The following MEGF10 variants were observed in gnomAD, a reference collection of about 807,000 sequenced individuals.
MEGF10 encodes multiple EGF like domains 10.
Under a neutral mutation model 147.5 loss-of-function variants are expected in MEGF10, and 86 were observed. The observed-to-expected ratio is 0.58, with a 90% CI of 0.49 to 0.70. The LOEUF is 0.70. MEGF10 is among the 30% of genes least tolerant of loss of function. The pLI is 0.00. For synonymous variants in MEGF10, 478 were observed against 525.5 expected (o/e 0.91, Z 1.24); for missense variants, 1,329 against 1,487.3 (o/e 0.89, Z 1.75).
At chr5:127,299,213 C>T (rs1759657723) in intron 1 of MEGF10, among the ~76,000 whole-genome samples, 1 of 152,206 alleles carries the variant, frequency 6.6e-6, no homozygotes, top group Non-Finnish European at 1.5e-5. Context: ...GGTACCTGAT[C>T]TGAAAGCCTG....
chr5:127,253,532 A>G, the MEGF10 span, among the ~76,000 whole-genome samples: 3 of 152,056 alleles, frequency 2.0e-5, no homozygotes, highest in Non-Finnish European at 1.5e-5. Flanking sequence ...AGTTATTTAT[A>G]CATTTATATG....
intron 1 of MEGF10, among the ~76,000 whole-genome samples, chr5:127,296,777 A>G (rs541977619): frequency 7.9e-5 from 12 of 152,350 alleles, no homozygotes; most frequent in African/African-American, 2.9e-4. Flanking sequence ...GAACTATGAA[A>G]TTTTTGCTTG....
At chr5:127,309,973 C>CT (rs2126733444) in intron 1 of MEGF10, among the ~76,000 whole-genome samples, 1 of 69,090 alleles carries the variant, frequency 1.4e-5, no homozygotes, top group East Asian at 2.5e-4. Context: ...TTCTTTCTTT[C>CT]TTTCTTTCTT....
intron 4 of MEGF10, among the ~76,000 whole-genome samples, chr5:127,363,096 A>G (rs1469295650): frequency 6.6e-6 from 1 of 152,186 alleles, no homozygotes; most frequent in Non-Finnish European, 1.5e-5. Flanking sequence ...CACTTGCACT[A>G]GGTCGTGACA....
intron 1 of MEGF10, among the ~76,000 whole-genome samples, chr5:127,311,671 TTGA>T (rs763143889): frequency 3.9e-5 from 6 of 152,196 alleles, no homozygotes; most frequent in Non-Finnish European, 8.8e-5. Flanking sequence ...TTTTAAGAAG[TTGA>T]ATGATGACAT....
chr5:127,396,336 A>G (rs913506808), intron 5 of MEGF10, among the ~76,000 whole-genome samples, 196 bp from the exon 6 acceptor site: 4 of 152,178 alleles, frequency 2.6e-5, no homozygotes, highest in Non-Finnish European at 5.9e-5. Flanking sequence ...GTGATAATTA[A>G]GCAATGGAGT....
chr5:127,416,143 T>C (rs2126964114), intron 9 of MEGF10, among the ~76,000 whole-genome samples: 1 of 152,076 alleles, frequency 6.6e-6, no homozygotes, highest in South Asian at 2.1e-4. Context: ...TTCTCCTGCC[T>C]CAGCCTCCTG....
At position 127,458,715 on chromosome 5, in the gene MEGF10, T is replaced by C. The variant is rs1766456189; in HGVS notation, c.*1397T>C. 6.6e-6 allele frequency: 1 copy of C among 152,162 alleles called. No homozygotes were observed. Among genetic ancestry groups the C allele is most frequent in the Non-Finnish European group, 1.5e-5 (1 of 68,030 alleles). The allele number at this position is 152,162 out of a possible 1,614,324, so 9.4% of individuals were successfully genotyped here. On this transcript the variant is annotated 3_prime_UTR_variant, in exon 25 of 25. Coordinates refer to ENST00000503335, the MANE Select transcript of MEGF10 (RefSeq NM_001256545.2). ...TTAATATTCCAAAATAGAGTTCCTT[T>C]TGATCTGTTGGTGCTGAGCCTTGGT...
intron 8 of MEGF10, among the ~76,000 whole-genome samples, chr5:127,404,229 C>G (rs1251239778): frequency 2.0e-5 from 3 of 151,774 alleles, no homozygotes. Context: ...GTGTTGAGCA[C>G]CTTTTCATAT....
the MEGF10 span, among the ~76,000 whole-genome samples, chr5:127,268,668 C>T: frequency 6.6e-6 from 1 of 152,228 alleles, no homozygotes; most frequent in East Asian, 1.9e-4. Context: ...GGGGGTAGGG[C>T]ATAGCCGAAC....
the MEGF10 span, among the ~76,000 whole-genome samples, chr5:127,272,978 A>G: frequency 6.6e-6 from 1 of 152,188 alleles, no homozygotes; most frequent in Non-Finnish European, 1.5e-5. Context: ...CAGAACTTCC[A>G]AAATAGGGGT....
the MEGF10 span, among the ~76,000 whole-genome samples, chr5:127,255,112 G>A: frequency 2.6e-5 from 4 of 152,080 alleles, no homozygotes; most frequent in Admixed American, 6.6e-5. Flanking sequence ...TTTATGTACT[G>A]AGTCAGCCTC....
intron 4 of MEGF10, among the ~76,000 whole-genome samples, chr5:127,367,674 A>T (rs928090816): frequency 5.9e-5 from 9 of 152,314 alleles, no homozygotes; most frequent in African/African-American, 4.8e-5. Context: ...AAAGGCAAAG[A>T]GTATCTAATT....
chr5:127,371,809 G>T (rs1014947066), intron 5 of MEGF10, among the ~76,000 whole-genome samples: 2 of 152,164 alleles, frequency 1.3e-5, no homozygotes, highest in Non-Finnish European at 2.9e-5. Flanking sequence ...ACTGAAATAT[G>T]ATATTGAAGC....
the MEGF10 span, among the ~76,000 whole-genome samples, chr5:127,281,757 G>A: frequency 2.0e-5 from 3 of 152,196 alleles, no homozygotes; most frequent in Non-Finnish European, 4.4e-5. Flanking sequence ...GCATGGGCAG[G>A]CTCTTCAGTA....
intron 13 of MEGF10, among the ~76,000 whole-genome samples, chr5:127,432,223 G>T (rs1345292630): frequency 6.6e-6 from 1 of 152,126 alleles, no homozygotes; most frequent in Non-Finnish European, 1.5e-5. Context: ...GTAAAAAGTG[G>T]ATCTTCTTGC....
At chr5:127,343,812 G>A (rs893949363) in intron 4 of MEGF10, among the ~76,000 whole-genome samples, 1 of 151,972 alleles carries the variant, frequency 6.6e-6, no homozygotes, top group Non-Finnish European at 1.5e-5. Flanking sequence ...TCTTCTCTAG[G>A]CTCCAGAGAC....
chr5:127,435,549 T>G (rs1384507167), intron 16 of MEGF10, 60 bp downstream of exon 16: 12 of 1,519,388 alleles, frequency 7.9e-6, no homozygotes, highest in African/African-American at 2.8e-5. Flanking sequence ...TCAGATTCTT[T>G]AGGATTGAAG....
chr5:127,320,842 G>T (rs1196078298), intron 1 of MEGF10, among the ~76,000 whole-genome samples: 1 of 152,170 alleles, frequency 6.6e-6, no homozygotes, highest in East Asian at 1.9e-4. Flanking sequence ...TCCTGGTCTG[G>T]GTTAGTGGTT....
Sources: allele counts gnomAD v4.1 joint callset (sites outside exome capture counted in the v4.1 genomes callset), GRCh38; gene constraint gnomAD v4.1.1; transcripts MANE v1.5; gene names NCBI Gene and HGNC (gene_info 2026-07-23, HGNC 2026-07-21).